PIK3AP1: variants seen among roughly 807,000 people sequenced by gnomAD.
The protein encoded by PIK3AP1 is phosphoinositide 3-kinase adapter protein 1.
In PIK3AP1, 21 loss-of-function variants were observed where a neutral mutation model predicts 88.1. The ratio of observed to expected loss-of-function variants is 0.24; its 90% CI spans 0.17 to 0.34. PIK3AP1 has a LOEUF of 0.34. Among genes scored for constraint, PIK3AP1 ranks in the 10% least tolerant of loss-of-function variants. The pLI, the probability that PIK3AP1 is intolerant of heterozygous loss-of-function variation, is 1.00. For missense variants in PIK3AP1, 828 were observed against 1,035.7 expected, an observed-to-expected ratio of 0.80 and a Z score of 2.75; for synonymous variants, 398 against 400.0, an observed-to-expected ratio of 1.00 and a Z score of 0.06.
intron 14 of PIK3AP1, among the ~76,000 whole-genome samples, chr10:96,606,129 C>A (rs1212015308): frequency 6.6e-6 from 1 of 152,124 alleles, no homozygotes; most frequent in Non-Finnish European, 1.5e-5. Context: ...CTGTCTCTTT[C>A]TACTCGTTAC....
intron 4 of PIK3AP1, among the ~76,000 whole-genome samples, chr10:96,652,233 A>C (rs990203772): frequency 6.6e-6 from 1 of 152,286 alleles, no homozygotes; most frequent in Admixed American, 6.5e-5. Context: ...ATTCACCCAC[A>C]CTAGTAATCA....
chr10:96,704,261 A>T (rs1844335012), intron 2 of PIK3AP1, among the ~76,000 whole-genome samples: 1 of 152,148 alleles, frequency 6.6e-6, no homozygotes, highest in South Asian at 2.1e-4. Flanking sequence ...CCCTGATGTG[A>T]TGGTGCCTCC....
intron 2 of PIK3AP1, among the ~76,000 whole-genome samples, chr10:96,692,489 G>A (rs751980414): frequency 6.6e-6 from 1 of 151,848 alleles, no homozygotes; most frequent in African/African-American, 2.4e-5. Flanking sequence ...CAGCAGAATC[G>A]CTTGAACCAG....
At chr10:96,717,445 G>A (rs976636223) in intron 1 of PIK3AP1, among the ~76,000 whole-genome samples, 1 of 152,112 alleles carries the variant, frequency 6.6e-6, no homozygotes, top group Non-Finnish European at 1.5e-5. Context: ...TAGGGAAGGT[G>A]ACCAGGATAA....
intron 10 of PIK3AP1, 66 bp from the exon 11 acceptor site, chr10:96,623,603 A>AATG: frequency 7.1e-7 from 1 of 1,400,084 alleles, no homozygotes; most frequent in Non-Finnish European, 1.0e-6. Flanking sequence ...TAATAATAAT[A>AATG]ATGAATCCAT....
At chr10:96,719,369 C>T (rs1243700698) in intron 1 of PIK3AP1, among the ~76,000 whole-genome samples, 2 of 152,164 alleles carry the variant, frequency 1.3e-5, no homozygotes, top group African/African-American at 4.8e-5. Context: ...TTTTCTTTTT[C>T]AAGGGGCACC....
chr10:96,658,363 C>T (rs571612164), intron 2 of PIK3AP1, among the ~76,000 whole-genome samples: 6 of 152,184 alleles, frequency 3.9e-5, no homozygotes, highest in South Asian at 2.1e-4. Flanking sequence ...GCTAGGGTTA[C>T]GAAACAGCTG....
chr10:96,620,770 G>A, intron 11 of PIK3AP1: 1 of 528,044 alleles, frequency 1.9e-6, no homozygotes, highest in Non-Finnish European at 3.4e-6. Flanking sequence ...AGACAAGGCT[G>A]CAACATTTAA....
Position 96,627,636 on chromosome 10 carries a change from T to C in PIK3AP1, c.1472-731A>G, listed in dbSNP as rs184535809. Among the ~76,000 whole-genome samples the C allele has an allele frequency of 8.5e-5, 13 of 152,324 alleles. No homozygotes were observed. In the East Asian group the frequency reaches 2.5e-3, roughly 29 times the overall value. ...CATCCTCTTAGCACTCTGCTTTCTATATCTACTTGATCAACAGACCCCACC... is the reference window on the plus strand; with the variant it reads ...CATCCTCTTAGCACTCTGCTTTCTACATCTACTTGATCAACAGACCCCACC... On this transcript the variant is annotated intron_variant, in intron 9 of 16. Coordinates refer to ENST00000339364, the MANE Select transcript of PIK3AP1 (RefSeq NM_152309.3).
intron 8 of PIK3AP1, among the ~76,000 whole-genome samples, chr10:96,632,407 ATTT>A (rs35406169): frequency 0.17 from 24,197 of 146,196 alleles, 2,366 homozygotes; most frequent in African/African-American, 0.28. Flanking sequence ...TTTCAAAATA[ATTT>A]TTTTTTTTTT....
Position 96,652,798 on chromosome 10 carries a change from G to A in PIK3AP1, c.612C>T (p.Asp204=), listed in dbSNP as rs1157384708. The change falls in exon 4 of 17, where the codon GAC becomes GAT. Residue 204 remains aspartate (D), a synonymous_variant. Transcript: ENST00000339364. ...VYVIVRCKLD[D]RVATEAEFSP... ...AAAACTCTGCTTCTGTCGCCACCCT[G>A]TCATCCAGCTTACATCTCACAATAA... The A allele has an allele frequency of 1.2e-6, 2 of 1,613,918 alleles. No individual in the cohort carries two copies.
intron 2 of PIK3AP1, among the ~76,000 whole-genome samples, chr10:96,695,721 G>A (rs967587475): frequency 1.3e-5 from 2 of 151,268 alleles, no homozygotes; most frequent in Admixed American, 6.6e-5. Context: ...AAACTCTATA[G>A]ATTGCCTCAC....
At chr10:96,688,217 C>T (rs1377995604) in intron 2 of PIK3AP1, among the ~76,000 whole-genome samples, 2 of 152,158 alleles carry the variant, frequency 1.3e-5, no homozygotes, top group East Asian at 3.9e-4. Flanking sequence ...TGTCATTCCC[C>T]ACCCAGGATG....
intron 3 of PIK3AP1, among the ~76,000 whole-genome samples, chr10:96,653,069 T>C (rs1021000325): frequency 2.6e-5 from 4 of 151,930 alleles, no homozygotes; most frequent in African/African-American, 9.7e-5. Flanking sequence ...GATGGAGTCA[T>C]TTTATGTCTG....
intron 8 of PIK3AP1, among the ~76,000 whole-genome samples, chr10:96,644,071 G>A (rs1445090032): frequency 6.6e-6 from 1 of 152,158 alleles, no homozygotes; most frequent in Non-Finnish European, 1.5e-5. Context: ...TACGTGCGTG[G>A]AGATCAGATC....
intron 2 of PIK3AP1, among the ~76,000 whole-genome samples, chr10:96,687,437 C>T (rs917719178): frequency 6.6e-6 from 1 of 152,100 alleles, no homozygotes; most frequent in African/African-American, 2.4e-5. Flanking sequence ...GCCAATCTCA[C>T]ACTTCCAAAT....
chr10:96,659,417 G>A (rs1843656724), intron 2 of PIK3AP1, among the ~76,000 whole-genome samples: 1 of 152,126 alleles, frequency 6.6e-6, no homozygotes, highest in African/African-American at 2.4e-5. Context: ...TGGACCCACA[G>A]TGCAGTCTAC....
At chr10:96,630,289 G>A (rs72818983) in intron 8 of PIK3AP1, among the ~76,000 whole-genome samples, 7,114 of 152,170 alleles carry the variant, frequency 0.047, 209 homozygotes, top group Middle Eastern at 0.085. Context: ...GATTCCAAAT[G>A]AGGAACCAGT....
Position 96,652,849 on chromosome 10 carries a change from C to T in PIK3AP1, c.568-7G>A, listed in dbSNP as rs377765234. The T allele has an allele frequency of 1.1e-5, 17 of 1,611,784 alleles. No homozygotes were observed. The highest frequency in any genetic ancestry group is 5.3e-5 in the African/African-American group (4 of 74,860). ...CATAGACAGTGGTTTCTGCCTGAAA[C>T]GGGAAGCCGGTCATTGTCCCCTCTC... is the stretch of plus-strand genomic sequence containing the variant. On this transcript the variant is annotated splice_polypyrimidine_tract_variant and splice_region_variant and intron_variant, in intron 3 of 16. Transcript: ENST00000339364.
Sources: gnomAD v4.1 joint callset for allele counts (sites outside exome capture counted in the v4.1 genomes callset) on GRCh38, gnomAD v4.1.1 for gene constraint, MANE v1.5 for transcripts, NCBI Gene and HGNC (gene_info 2026-07-23, HGNC 2026-07-21) for gene names.